Variants in OAS3 observed in about 807,000 individuals in gnomAD.
OAS3 encodes 2'-5'-oligoadenylate synthase 3.
Under a neutral mutation model 113.0 loss-of-function variants are expected in OAS3, and 107 were observed. The observed-to-expected ratio is 0.95, with a 90% CI of 0.81 to 1.11. The LOEUF (loss-of-function observed/expected upper bound fraction) is 1.11, where lower values mean the gene tolerates loss of function less well. Ranked by LOEUF, OAS3 falls within the 50% of genes most tolerant of loss-of-function variation. The pLI is 0.00. For missense variants in OAS3, 1,258 were observed against 1,389.1 expected, an observed-to-expected ratio of 0.91 and a Z score of 1.50; for synonymous variants, 552 against 573.6, an observed-to-expected ratio of 0.96 and a Z score of 0.54.
rs543401607 is a variant in OAS3, at chr12:112,968,629, C to T, written c.3104+455C>T. Among the ~76,000 whole-genome samples the T allele has an allele frequency of 4.6e-5, 7 of 152,300 alleles. No homozygotes were observed. The South Asian group carries it at 1.5e-3, about 32-fold the overall frequency. ...TCCCGGGTTCAAGCAATTCTTCTGCCTCAGCCTCCTGAGTAGCTGGGACCA... is the reference window on the plus strand; with the variant it reads ...TCCCGGGTTCAAGCAATTCTTCTGCTTCAGCCTCCTGAGTAGCTGGGACCA... On this transcript the variant is annotated intron_variant, in intron 14 of 15. Transcript: ENST00000228928.
At chr12:112,949,598 TC>T (rs1302692069) in intron 6 of OAS3, among the ~76,000 whole-genome samples, 1 of 152,108 alleles carries the variant, frequency 6.6e-6, no homozygotes, top group East Asian at 1.9e-4. Context: ...TGTTTTCTCT[TC>T]CTAGAAGAAA....
At chr12:112,939,306 C>CTTTTTTTTTTTTTTT (rs58792765) in intron 1 of OAS3, among the ~76,000 whole-genome samples, 6 of 68,302 alleles carry the variant, frequency 8.8e-5, no homozygotes, top group African/African-American at 3.3e-4. Flanking sequence ...TGAGTCACAT[C>CTTTTTTTTTTTTTTT]TTTTTTTTTT....
Position 112,941,970 on chromosome 12 carries a change from C to T in OAS3, c.460+118C>T, listed in dbSNP as rs1435600036. 2.4e-6 allele frequency: 3 copies of T among 1,226,686 alleles called. No individual in the cohort carries two copies. The South Asian group carries it at 3.8e-5, about 15-fold the overall frequency. 76.0% of individuals were successfully genotyped at this position (1,226,686 alleles called of 1,614,324 possible). ...GTTTGACCTGGGCCAGCCTCTACCC[C>T]TCTCTCAGCCTCAGTCTGGGGACTA... On this transcript the variant is annotated intron_variant, in intron 2 of 15. Coordinates refer to ENST00000228928, the MANE Select transcript of OAS3 (RefSeq NM_006187.4).
chr12:112,965,823 A>T lies in OAS3; in HGVS notation c.2483A>T (p.Gln828Leu), dbSNP rs756226307. 155 of 1,613,888 alleles carry T rather than the reference A, an allele frequency of 9.6e-5. No homozygotes were observed. Among genetic ancestry groups the T allele is most frequent in the Admixed American group, 2.5e-4 (15 of 60,006 alleles). The change falls in exon 12 of 16, where the codon CAG becomes CTG. Residue 828 changes from glutamine to leucine, a missense_variant. Transcript: ENST00000228928. ...DLVVFLSCFS[Q>L]FTEQGNKRAE... ...GTGGTGTTCCTCAGCTGCTTCAGCC[A>T]GTTCACTGAGCAGGGCAACAAGCGG...
Position 112,938,491 on chromosome 12 carries a change from G to GCCA in OAS3, c.-39_-37dup. On this transcript the variant is annotated 5_prime_UTR_variant, in exon 1 of 16. Coordinates refer to ENST00000228928, the MANE Select transcript of OAS3 (RefSeq NM_006187.4). ...ACGAAACCAGAAATCCGAAGGCCGC[G>GCCA]CCAGAGCCCTGCTTCCCCTTGCACC... 6.6e-7 allele frequency: 1 copy of GCCA among 1,510,138 alleles called. No individual in the cohort carries two copies. Among genetic ancestry groups the GCCA allele is most frequent in the South Asian group, 1.3e-5 (1 of 79,326 alleles). 93.5% of individuals were successfully genotyped at this position (1,510,138 alleles called of 1,614,324 possible).
chr12:112,958,156 G>A (rs749261219), intron 7 of OAS3, among the ~76,000 whole-genome samples: 5 of 152,164 alleles, frequency 3.3e-5, no homozygotes, highest in Non-Finnish European at 2.9e-5. Flanking sequence ...CATGCATCAC[G>A]TAGTTCTTGT....
At chr12:112,961,429 A>G (rs1012542379) in intron 8 of OAS3, among the ~76,000 whole-genome samples, 183 bp downstream of exon 8, 1 of 152,148 alleles carries the variant, frequency 6.6e-6, no homozygotes, top group Non-Finnish European at 1.5e-5. Flanking sequence ...GTTAGAAAAA[A>G]ATCTCTTCTC....
intron 7 of OAS3, among the ~76,000 whole-genome samples, chr12:112,959,951 G>A (rs1024399880): frequency 3.9e-5 from 6 of 152,010 alleles, no homozygotes; most frequent in African/African-American, 1.2e-4. Flanking sequence ...TTATTTTAGT[G>A]TCTCAGATTG....
rs1391549740 is a variant in OAS3, at chr12:112,962,777, A to G, written c.1959A>G (p.Gln653=). Reference sequence around the variant, plus strand: ...GGCAGGATTGTTTCAACATGGCCCAAGGCTTCCGGACGGTGCTGGGGCTCG... The same window carrying G: ...GGCAGGATTGTTTCAACATGGCCCAGGGCTTCCGGACGGTGCTGGGGCTCG... ...GCRQDCFNMA[Q]GFRTVLGLVQ... is the part of the protein sequence containing the mutation. Residue 653 remains glutamine, a synonymous_variant, in exon 9 of 16, where the codon CAA becomes CAG. Coordinates refer to ENST00000228928, the MANE Select transcript of OAS3 (RefSeq NM_006187.4). The G allele has an allele frequency of 1.9e-6, 3 of 1,613,928 alleles. No homozygotes were observed. The highest frequency in any genetic ancestry group is 1.7e-6 in the Non-Finnish European group (2 of 1,179,904).
Position 112,964,235 on chromosome 12 carries a change from C to A in OAS3, c.2230C>A (p.Pro744Thr). Reference protein sequence around the residue: ...GTSVQPWDVMPALLYQTPAGD... With the variant: ...GTSVQPWDVMTALLYQTPAGD... ...GGCCCCACCTGGATTCTCTCTGCAG[C>A]CAGCCCTCCTTTACCAAACCCCAGC... The change falls in exon 11 of 16, where the codon CCA (proline) becomes ACA (threonine). Residue 744 changes from proline (P) to threonine (T), a missense_variant and splice_region_variant. Physicochemically the swap from Pro to Thr is conservative, Grantham distance 38 (BLOSUM62 -1). Transcript: ENST00000228928. 6.3e-7 allele frequency: 1 copy of A among 1,583,728 alleles called. No homozygotes were observed. The highest frequency in any genetic ancestry group is 8.6e-7 in the Non-Finnish European group (1 of 1,164,420).
intron 7 of OAS3, among the ~76,000 whole-genome samples, chr12:112,960,741 C>T (rs1370077649): frequency 6.6e-6 from 1 of 152,258 alleles, no homozygotes; most frequent in Non-Finnish European, 1.5e-5. Context: ...AAAGCTCACT[C>T]CTTTAACCAC....
In OAS3 at chr12:112,948,911, C is replaced by A. The variant is rs552595836; in HGVS notation, c.1080C>A (p.Asp360Glu). 11 of 1,606,328 alleles carry A rather than the reference C, an allele frequency of 6.8e-6. No individual in the cohort carries two copies. The highest frequency in any genetic ancestry group is 5.4e-5 in the African/African-American group (4 of 74,698). Reference protein sequence around the residue: ...CSGLGHPIQLDPNQKTPENSK... With the variant: ...CSGLGHPIQLEPNQKTPENSK... ...GTTTGGGCCACCCCATCCAGCTAGACCCTAACCAGAAGACCCCTGAAAACA... is the reference window on the plus strand; with the variant it reads ...GTTTGGGCCACCCCATCCAGCTAGAACCTAACCAGAAGACCCCTGAAAACA... Residue 360 changes from aspartate (D) to glutamate (E), a missense_variant, in exon 6 of 16, where the codon GAC (aspartate) becomes GAA (glutamate). By Grantham distance (45) the Asp-to-Glu change is conservative. Transcript: ENST00000228928.
intron 4 of OAS3, 126 bp from the exon 5 acceptor site, chr12:112,947,820 G>A (rs1032019590): frequency 2.5e-6 from 2 of 807,696 alleles, no homozygotes; most frequent in African/African-American, 3.6e-5. Flanking sequence ...TCGAGGCTCA[G>A]AGAGGGTAAA....
intron 9 of OAS3, 41 bp downstream of exon 9, chr12:112,962,943 C>T (rs1280558950): frequency 6.2e-7 from 1 of 1,607,034 alleles, no homozygotes; most frequent in African/African-American, 1.3e-5. Context: ...ATTATCCTCC[C>T]CCTCCCCACT....
chr12:112,960,319 C>A (rs982608453), intron 7 of OAS3, among the ~76,000 whole-genome samples: 5 of 152,096 alleles, frequency 3.3e-5, no homozygotes, highest in Non-Finnish European at 7.3e-5. Context: ...GTCCCAGTTT[C>A]TCACAGGGGA....
At position 112,963,581 on chromosome 12, in the gene OAS3, C is replaced by T; in HGVS notation, c.2229+124C>T. 1 of 961,764 alleles carries T rather than the reference C, an allele frequency of 1.0e-6. No individual in the cohort carries two copies. The highest frequency in any genetic ancestry group is 3.1e-5 in the East Asian group (1 of 32,200). The allele number at this position is 961,764 out of a possible 1,614,324, so 59.6% of individuals were successfully genotyped here. ...GTTGGTGGCTGACAACTCATAGCCACCCCTTCTCTGGAGACTTGCCTTTCA... is the reference window on the plus strand; with the variant it reads ...GTTGGTGGCTGACAACTCATAGCCATCCCTTCTCTGGAGACTTGCCTTTCA... On this transcript the variant is annotated intron_variant, in intron 10 of 15. Transcript: ENST00000228928. This position sits in a 1 kb window ranked among gnomAD's most constrained non-coding sequence, Gnocchi z 4.6.
Position 112,963,274 on chromosome 12 carries a change from C to G in OAS3, c.2085-39C>G. The G allele has an allele frequency of 6.5e-7, 1 of 1,534,422 alleles. No individual in the cohort carries two copies. Among genetic ancestry groups the G allele is most frequent in the South Asian group, 1.3e-5 (1 of 79,770 alleles). ...TTCCACCCGCCTCCTCTTTCACTGA[C>G]TCCCACCTTCCCCACCCACCTTCCT... On this transcript the variant is annotated intron_variant, in intron 9 of 15. Transcript: ENST00000228928. The surrounding 1 kb of genome is among the most constrained non-coding windows in gnomAD (Gnocchi z 4.6).
Position 112,966,105 on chromosome 12 carries a change from C to G in OAS3, c.2689+76C>G, listed in dbSNP as rs140023056. Reference sequence around the variant, plus strand: ...GCCATGGGCAGTTGTAGAGGTTGCACAGTACACAACCAGGCCACATCTGTT... The same window carrying G: ...GCCATGGGCAGTTGTAGAGGTTGCAGAGTACACAACCAGGCCACATCTGTT... On this transcript the variant is annotated intron_variant, in intron 12 of 15. Transcript: ENST00000228928. 9.6e-6 allele frequency: 14 copies of G among 1,452,462 alleles called. No homozygotes were observed. In the Admixed American group the frequency reaches 1.8e-4, roughly 18 times the overall value. The allele number at this position is 1,452,462 out of a possible 1,614,324, so 90.0% of individuals were successfully genotyped here. A position where few individuals can be genotyped will look rare whatever the true frequency, so the allele number is the denominator to read the frequency against.
In OAS3 at chr12:112,962,914, C is replaced by T. The variant is rs745452170; in HGVS notation, c.2084+12C>T. On this transcript the variant is annotated intron_variant, in intron 9 of 15. Coordinates refer to ENST00000228928, the MANE Select transcript of OAS3 (RefSeq NM_006187.4). Reference sequence around the variant, plus strand: ...CTTCGAAAACCCAGGTGAAGACCCGCTTCCCTTTGCCTGGCTTCATTATCC... The same window carrying T: ...CTTCGAAAACCCAGGTGAAGACCCGTTTCCCTTTGCCTGGCTTCATTATCC... 25 of 1,611,908 alleles carry T rather than the reference C, an allele frequency of 1.6e-5. No homozygotes were observed. The highest frequency in any genetic ancestry group is 4.4e-5 in the South Asian group (4 of 91,050).
Sources: allele counts gnomAD v4.1 joint callset (sites outside exome capture counted in the v4.1 genomes callset), GRCh38; gene constraint gnomAD v4.1.1; non-coding constraint Gnocchi (gnomAD v3.1); transcripts MANE v1.5; gene names NCBI Gene and HGNC (gene_info 2026-07-23, HGNC 2026-07-21).